Variants in ATP10B observed in about 807,000 individuals in gnomAD.
ATP10B encodes phospholipid-transporting ATPase VB.
ATP10B carries 122 observed loss-of-function variants against 141.2 expected under a neutral mutation model. The ratio of observed to expected loss-of-function variants is 0.86; its 90% CI spans 0.75 to 1.00. ATP10B has a LOEUF of 1.00. ATP10B is among the 50% of genes least tolerant of loss of function. The pLI is 0.00. For missense variants in ATP10B, 1,876 were observed against 1,825.3 expected (o/e 1.03, Z -0.51); for synonymous variants, 685 against 692.0 (o/e 0.99, Z 0.16).
At chr5:160,880,378 G>C in the ATP10B span, among the ~76,000 whole-genome samples, 1 of 151,864 alleles carries the variant, frequency 6.6e-6, no homozygotes, top group East Asian at 1.9e-4. Flanking sequence ...TTCCAAACTT[G>C]ATCTATAGGT....
At chr5:160,623,312 AAT>A (rs1368254730) in intron 13 of ATP10B, among the ~76,000 whole-genome samples, 1 of 152,188 alleles carries the variant, frequency 6.6e-6, no homozygotes, top group African/African-American at 2.4e-5. Flanking sequence ...CTTAACTCAG[AAT>A]GTCCACAGGA....
chr5:160,761,166 C>T (rs1259665508), intron 2 of ATP10B, among the ~76,000 whole-genome samples: 1 of 152,182 alleles, frequency 6.6e-6, no homozygotes, highest in Non-Finnish European at 1.5e-5. Context: ...AATTCCACTG[C>T]CTGCAACACC....
In ATP10B at chr5:160,754,616, A is replaced by G. The variant is rs1027970147; in HGVS notation, c.-331+30943T>C. Among the ~76,000 whole-genome samples, 3 of 152,230 alleles carry G rather than the reference A, an allele frequency of 2.0e-5. No individual in the cohort carries two copies. The East Asian group carries it at 5.8e-4, about 29-fold the overall frequency. ...CCATACTTAATGATGAAGATTACCC[A>G]AGACAAGGCCACCAATGTCACCAAT... On this transcript the variant is annotated intron_variant, in intron 2 of 25. Coordinates refer to ENST00000327245, the MANE Select transcript of ATP10B (RefSeq NM_025153.3).
intron 1 of ATP10B, among the ~76,000 whole-genome samples, chr5:160,803,927 AT>A (rs11446179): frequency 6.0e-5 from 9 of 150,380 alleles, no homozygotes; most frequent in South Asian, 4.2e-4. Flanking sequence ...GTCAACACAG[AT>A]TTTTTTTTTC....
chr5:160,873,792 G>A, the ATP10B span, among the ~76,000 whole-genome samples: 2 of 152,210 alleles, frequency 1.3e-5, no homozygotes, highest in African/African-American at 2.4e-5. Context: ...CAGGAAAATT[G>A]GGTCACTCCC....
At chr5:160,637,154 G>A (rs1382075949) in intron 10 of ATP10B, among the ~76,000 whole-genome samples, 6 of 91,156 alleles carry the variant, frequency 6.6e-5, no homozygotes, top group African/African-American at 1.6e-4. Context: ...CCATCCATCT[G>A]TCCATCCATT....
chr5:160,748,359 C>G (rs994593448), intron 2 of ATP10B, among the ~76,000 whole-genome samples: 1 of 152,180 alleles, frequency 6.6e-6, no homozygotes, highest in Non-Finnish European at 1.5e-5. Context: ...TTTTCCCTTC[C>G]TCATTGCTTA....
intron 1 of ATP10B, among the ~76,000 whole-genome samples, chr5:160,796,566 C>T (rs760357597): frequency 8.2e-6 from 1 of 122,072 alleles, no homozygotes; most frequent in Non-Finnish European, 1.8e-5. Context: ...GGACCCCCAG[C>T]GGTAGTATTG....
the ATP10B span, among the ~76,000 whole-genome samples, chr5:160,907,977 G>A: frequency 9.2e-5 from 14 of 152,118 alleles, no homozygotes; most frequent in Admixed American, 2.0e-4. Flanking sequence ...AGGATGACTT[G>A]GCTACAGGTT....
chr5:160,771,427 T>C (rs1769892813), intron 2 of ATP10B, among the ~76,000 whole-genome samples: 1 of 152,162 alleles, frequency 6.6e-6, no homozygotes, highest in East Asian at 1.9e-4. Context: ...TATAGAATAA[T>C]GAGAATAATC....
Position 160,565,318 on chromosome 5 carries a change from C to G in ATP10B, c.*135G>C. 1.1e-6 allele frequency: 1 copy of G among 931,888 alleles called. No individual in the cohort carries two copies. Among genetic ancestry groups the G allele is most frequent in the Admixed American group, 2.6e-5 (1 of 38,026 alleles). 57.7% of individuals were successfully genotyped at this position (931,888 alleles called of 1,614,324 possible). ...AGACCCCTTGGGGCCAGCACTTCCTCCATGGAAGTCAAGGTTGTTGAAGAA... is the reference window on the plus strand; with the variant it reads ...AGACCCCTTGGGGCCAGCACTTCCTGCATGGAAGTCAAGGTTGTTGAAGAA... On this transcript the variant is annotated 3_prime_UTR_variant, in exon 26 of 26. Coordinates refer to ENST00000327245, the MANE Select transcript of ATP10B (RefSeq NM_025153.3).
At chr5:160,801,810 G>A (rs998274443) in intron 1 of ATP10B, among the ~76,000 whole-genome samples, 2 of 152,274 alleles carry the variant, frequency 1.3e-5, no homozygotes, top group Non-Finnish European at 1.5e-5. Context: ...CAGGCTTTGA[G>A]CTTAGTTAAA....
chr5:160,652,678 T>A (rs1306374049), intron 7 of ATP10B, among the ~76,000 whole-genome samples: 1 of 131,958 alleles, frequency 7.6e-6, no homozygotes, highest in Admixed American at 8.9e-5. Context: ...TATACATATA[T>A]AAATACATAT....
At chr5:160,878,848 A>T in the ATP10B span, among the ~76,000 whole-genome samples, 9 of 150,022 alleles carry the variant, frequency 6.0e-5, no homozygotes, top group Non-Finnish European at 1.3e-4. Flanking sequence ...ACCATCTCAC[A>T]CCAGTTAGAA....
At chr5:160,757,420 G>A (rs890366292) in intron 2 of ATP10B, among the ~76,000 whole-genome samples, 5 of 152,182 alleles carry the variant, frequency 3.3e-5, no homozygotes, top group Admixed American at 6.5e-5. Flanking sequence ...TCATACAAGG[G>A]TAGGGAAAAT....
chr5:160,825,131 C>A (rs1774481786), intron 1 of ATP10B, among the ~76,000 whole-genome samples: 2 of 152,128 alleles, frequency 1.3e-5, no homozygotes, highest in South Asian at 2.1e-4. Context: ...CTGCTGTGAG[C>A]TGTTTGAGGT....
chr5:160,880,187 T>C, the ATP10B span, among the ~76,000 whole-genome samples: 3 of 143,478 alleles, frequency 2.1e-5, no homozygotes, highest in Non-Finnish European at 3.0e-5. Context: ...AATGTAAATA[T>C]TTTTATATAT....
chr5:160,825,533 G>A (rs976086618), intron 1 of ATP10B, among the ~76,000 whole-genome samples: 1 of 152,130 alleles, frequency 6.6e-6, no homozygotes, highest in Non-Finnish European at 1.5e-5. Context: ...TCTTTCTTTT[G>A]TAAATTGCCA....
chr5:160,639,770 T>G (rs1759689970), intron 10 of ATP10B, among the ~76,000 whole-genome samples: 1 of 152,206 alleles, frequency 6.6e-6, no homozygotes, highest in African/African-American at 2.4e-5. Flanking sequence ...GCATTATATT[T>G]ACAGTGCACT....
Sources: allele counts gnomAD v4.1 joint callset (sites outside exome capture counted in the v4.1 genomes callset), GRCh38; gene constraint gnomAD v4.1.1; transcripts MANE v1.5; gene names NCBI Gene and HGNC (gene_info 2026-07-23, HGNC 2026-07-21).